The following MTUS1 variants were observed in gnomAD, a reference collection of about 807,000 sequenced individuals.
MTUS1 encodes microtubule-associated tumor suppressor 1.
A neutral mutation model predicts 120.8 loss-of-function variants in MTUS1; 109 were observed. That is an observed-to-expected ratio of 0.90 (90% CI 0.77 to 1.06). MTUS1 has a LOEUF of 1.06. Ranked by LOEUF, MTUS1 falls within the 50% of genes least tolerant of loss-of-function variation. The pLI, the probability that MTUS1 is intolerant of heterozygous loss-of-function variation, is 0.00. For missense variants in MTUS1, 2,210 were observed against 1,486.3 expected, an observed-to-expected ratio of 1.49 and a Z score of -8.01; for synonymous variants, 737 against 550.5, an observed-to-expected ratio of 1.34 and a Z score of -4.74.
chr8:17,728,137 G>A (rs185947815), intron 3 of MTUS1, among the ~76,000 whole-genome samples: 2 of 152,290 alleles, frequency 1.3e-5, no homozygotes, highest in East Asian at 3.9e-4. Flanking sequence ...GCTTGCCAGG[G>A]GCTGGTGGGG....
Position 17,713,353 on chromosome 8 carries a change from G to A in MTUS1, c.2585-101C>T, listed in dbSNP as rs1467892367. 1.4e-5 allele frequency: 11 copies of A among 767,050 alleles called. No homozygotes were observed. In the East Asian group the frequency reaches 1.9e-4, roughly 13 times the overall value. The allele number at this position is 767,050 out of a possible 1,614,324, so 47.5% of individuals were successfully genotyped here. A position where few individuals can be genotyped will look rare whatever the true frequency, so the allele number is the denominator to read the frequency against. On this transcript the variant is annotated intron_variant, in intron 5 of 14. Transcript: ENST00000693296. ...GAATTATTTTCAAAAACAATCAATC[G>A]CTACATTTCAGGTTCCCGGTGGGAA... is the stretch of plus-strand genomic sequence containing the variant.
chr8:17,679,199 T>TAC (rs1334956574), intron 7 of MTUS1, among the ~76,000 whole-genome samples: 1 of 60,322 alleles, frequency 1.7e-5, no homozygotes, highest in South Asian at 8.8e-4. Context: ...AAAATATATA[T>TAC]ACACACACAC....
intron 6 of MTUS1, among the ~76,000 whole-genome samples, chr8:17,712,693 C>A (rs576088132): frequency 6.6e-6 from 1 of 152,088 alleles, no homozygotes; most frequent in Admixed American, 6.5e-5. Flanking sequence ...GTATAGGAAT[C>A]GCAGTGAAGA....
intron 8 of MTUS1, among the ~76,000 whole-genome samples, chr8:17,662,713 A>G (rs1223294886): frequency 2.0e-5 from 3 of 152,052 alleles, no homozygotes; most frequent in African/African-American, 4.8e-5. Flanking sequence ...ATGATTAGGA[A>G]CACCAACAGA....
chr8:17,677,712 T>C (rs1333933790), intron 7 of MTUS1, among the ~76,000 whole-genome samples: 1 of 152,178 alleles, frequency 6.6e-6, no homozygotes, highest in Admixed American at 6.5e-5. Context: ...TTCCAACCTC[T>C]GTCAGGCACA....
chr8:17,750,820 A>G (rs1230555828), intron 2 of MTUS1, among the ~76,000 whole-genome samples: 1 of 152,150 alleles, frequency 6.6e-6, no homozygotes, highest in Non-Finnish European at 1.5e-5. Context: ...TATCTCACAC[A>G]CTATCATGAA....
Position 17,723,847 on chromosome 8 carries a change from A to C in MTUS1, c.2288-14T>G. The C allele has an allele frequency of 6.5e-7, 1 of 1,538,152 alleles. No individual in the cohort carries two copies. Among genetic ancestry groups the C allele is most frequent in the Non-Finnish European group, 8.7e-7 (1 of 1,144,128 alleles). ...ATGTAGGCTTTCCTTGGGGTTTAAAAAAAACAAAAAGTTTCCAGTGCTATT... is the reference window on the plus strand; with the variant it reads ...ATGTAGGCTTTCCTTGGGGTTTAAACAAAACAAAAAGTTTCCAGTGCTATT... On this transcript the variant is annotated splice_polypyrimidine_tract_variant and intron_variant, in intron 3 of 14. Transcript: ENST00000693296.
chr8:17,650,585 C>T (rs1806767302), intron 12 of MTUS1, among the ~76,000 whole-genome samples: 1 of 152,142 alleles, frequency 6.6e-6, no homozygotes, highest in Admixed American at 6.5e-5. Context: ...TGGCATATGC[C>T]TACAGTCCCA....
chr8:17,767,106 T>C (rs573584221), intron 1 of MTUS1, among the ~76,000 whole-genome samples: 1 of 150,204 alleles, frequency 6.7e-6, no homozygotes, highest in South Asian at 2.1e-4. Context: ...TGACAAATGG[T>C]TTTTAAAACT....
chr8:17,665,964 C>T (rs74828124), intron 8 of MTUS1, among the ~76,000 whole-genome samples: 10,449 of 152,112 alleles, frequency 0.069, 553 homozygotes, highest in East Asian at 0.24. Flanking sequence ...AGGTACCAGC[C>T]GGGCCTCCCC....
At position 17,779,640 on chromosome 8, in the gene MTUS1, A is replaced by C. The variant is rs1268832366; in HGVS notation, c.-155+21421T>G. Among the ~76,000 whole-genome samples, 3 of 152,336 alleles carry C rather than the reference A, an allele frequency of 2.0e-5. No individual in the cohort carries two copies. The East Asian group carries it at 5.8e-4, about 29-fold the overall frequency. ...CAGTTTGACAAATCGAAACCTCTTC[A>C]CAATACGGGAATCAACCTTAAAGAA... is the stretch of plus-strand genomic sequence containing the variant. On this transcript the variant is annotated intron_variant, in intron 1 of 14. Coordinates refer to ENST00000693296, the MANE Select transcript of MTUS1 (RefSeq NM_001363059.2).
At chr8:17,675,387 T>C in intron 7 of MTUS1, 135 bp from the exon 8 acceptor site, 1 of 672,292 alleles carries the variant, frequency 1.5e-6, no homozygotes, top group Non-Finnish European at 2.5e-6. Context: ...TAACAATTTG[T>C]GTTGTTAAAA....
At chr8:17,720,553 C>T (rs1286801159) in intron 4 of MTUS1, among the ~76,000 whole-genome samples, 2 of 152,092 alleles carry the variant, frequency 1.3e-5, no homozygotes, top group African/African-American at 4.8e-5. Context: ...TTTCCCCTAC[C>T]ATCTGGCTCT....
chr8:17,668,596 T>G (rs1276770901), intron 8 of MTUS1, among the ~76,000 whole-genome samples: 1 of 152,246 alleles, frequency 6.6e-6, no homozygotes, highest in Non-Finnish European at 1.5e-5. Flanking sequence ...CAGCTCTCCT[T>G]TATGACTATG....
At chr8:17,730,376 T>C (rs150234124) in intron 3 of MTUS1, among the ~76,000 whole-genome samples, 4,235 of 151,626 alleles carry the variant, frequency 0.028, 101 homozygotes, top group Non-Finnish European at 0.044. Context: ...TTCCAGCTAC[T>C]TGGGAGGGTG....
chr8:17,745,942 T>C lies in MTUS1; in HGVS notation c.2092-2143A>G, dbSNP rs2047710038. 5.3e-5 allele frequency among the ~76,000 whole-genome samples: 8 copies of C among 152,330 alleles called. No homozygotes were observed. In the South Asian group the frequency reaches 1.0e-3, roughly 20 times the overall value. ...GCAGACTTCCCCCTTGCTGTTCTTA[T>C]GACAGTGAGTTCTTACAAGATCTGG... is the stretch of plus-strand genomic sequence containing the variant. On this transcript the variant is annotated intron_variant, in intron 2 of 14. Transcript: ENST00000693296.
At chr8:17,777,643 G>A in intron 1 of MTUS1, among the ~76,000 whole-genome samples, 1 of 152,112 alleles carries the variant, frequency 6.6e-6, no homozygotes, top group Non-Finnish European at 1.5e-5. Flanking sequence ...TTGCCTCACT[G>A]ACTTGGTTCC....
At position 17,645,607 on chromosome 8, in the gene MTUS1, T is replaced by G. The variant is rs968567212; in HGVS notation, c.*319A>C. 4.6e-6 allele frequency: 1 copy of G among 217,160 alleles called. No individual in the cohort carries two copies. 13.5% of individuals were successfully genotyped at this position (217,160 alleles called of 1,614,324 possible). On this transcript the variant is annotated 3_prime_UTR_variant, in exon 15 of 15. Transcript: ENST00000693296. ...ATAAATCTTAATAGGGCCCTGAGAG[T>G]TTTTCCCCCTATGCTTAGGTGAAAA...
chr8:17,746,843 G>T (rs1184487238), intron 2 of MTUS1, among the ~76,000 whole-genome samples: 1 of 152,128 alleles, frequency 6.6e-6, no homozygotes, highest in Admixed American at 6.6e-5. Context: ...CCATTTTAAA[G>T]AACAAGAACA....
Sources: allele counts gnomAD v4.1 joint callset (sites outside exome capture counted in the v4.1 genomes callset), GRCh38; gene constraint gnomAD v4.1.1; transcripts MANE v1.5; gene names NCBI Gene and HGNC (gene_info 2026-07-23, HGNC 2026-07-21).